Variants in TBC1D7 observed in about 807,000 individuals in gnomAD.
TBC1D7 encodes the protein TBC domain family 7.
TBC1D7 carries 33 observed loss-of-function variants against 35.3 expected under a neutral mutation model. The ratio of observed to expected loss-of-function variants is 0.93; its 90% CI spans 0.71 to 1.25. The LOEUF (loss-of-function observed/expected upper bound fraction) is 1.25. TBC1D7 is among the 50% of genes most tolerant of loss of function. TBC1D7 has a pLI of 0.00. For missense variants in TBC1D7, 362 were observed against 365.3 expected, an observed-to-expected ratio of 0.99 and a Z score of 0.07; for synonymous variants, 135 against 129.5, an observed-to-expected ratio of 1.04 and a Z score of -0.29.
chr6:13,309,192 C>T (rs1266538252), intron 5 of TBC1D7, among the ~76,000 whole-genome samples: 1 of 152,168 alleles, frequency 6.6e-6, no homozygotes, highest in African/African-American at 2.4e-5. Flanking sequence ...GATATATGCA[C>T]TTTTTTCCTA....
intron 3 of TBC1D7, among the ~76,000 whole-genome samples, chr6:13,324,126 GTTTTTTGTTTT>G (rs1562173751): frequency 7.0e-6 from 1 of 143,468 alleles, no homozygotes; most frequent in African/African-American, 2.5e-5. Flanking sequence ...TTTTTTGTTT[GTTTTTTGTTTT>G]TTTTTTTGGA....
intron 1 of TBC1D7, chr6:13,327,701 G>A (rs1784491387): frequency 6.6e-6 from 1 of 152,150 alleles, no homozygotes; most frequent in Non-Finnish European, 1.5e-5. Context: ...AAAGTTCAGT[G>A]GTCTCAAGTT....
chr6:13,325,907 C>T (rs1784373003), intron 2 of TBC1D7, among the ~76,000 whole-genome samples: 1 of 152,156 alleles, frequency 6.6e-6, no homozygotes, highest in Admixed American at 6.5e-5. Context: ...CCTACATTTT[C>T]CAATAAATTA....
chr6:13,308,114 A>T (rs943082110), intron 5 of TBC1D7, among the ~76,000 whole-genome samples: 5 of 152,252 alleles, frequency 3.3e-5, no homozygotes, highest in African/African-American at 1.2e-4. Flanking sequence ...GGCCCATTAT[A>T]TTACTGGCTG....
chr6:13,322,519 A>G (rs1784114811), intron 3 of TBC1D7, among the ~76,000 whole-genome samples: 1 of 152,200 alleles, frequency 6.6e-6, no homozygotes, highest in Admixed American at 6.5e-5. Context: ...CACACAAAGC[A>G]TTCAGAAGAG....
rs1200325729 is a variant in TBC1D7 at position 13,321,002 on chromosome 6, C to T, written c.287G>A (p.Arg96His). 3.1e-6 allele frequency: 5 copies of T among 1,614,026 alleles called. No homozygotes were observed. The highest frequency in any genetic ancestry group is 1.3e-5 in the African/African-American group (1 of 74,914). ...LDVLHALKVV[R>H]FVSDATPQAE... ...CTGAGGTGTGGCATCACTAACAAAG[C>T]GAACGACTTTCAGGGCATGAAGGAC... The change falls in exon 4 of 8, where the codon CGC (arginine) becomes CAC (histidine). Residue 96 changes from arginine (R) to histidine (H), a missense_variant. Physicochemically the swap from Arg to His is conservative, Grantham distance 29. Transcript: ENST00000379300.
At chr6:13,321,639 C>T (rs1285457258) in intron 3 of TBC1D7, among the ~76,000 whole-genome samples, 2 of 152,188 alleles carry the variant, frequency 1.3e-5, no homozygotes, top group African/African-American at 4.8e-5. Flanking sequence ...AGCTCCTTAA[C>T]CCATTTAAAC....
In TBC1D7 at chr6:13,316,700, A is replaced by C; in HGVS notation, c.390T>G (p.Asp130Glu). 6.2e-7 allele frequency: 1 copy of C among 1,613,876 alleles called. No homozygotes were observed. Among genetic ancestry groups the C allele is most frequent in the Non-Finnish European group, 8.5e-7 (1 of 1,179,924 alleles). Reference sequence around the variant, plus strand: ...TAGCTATGGCAAGAAACACTTCATCATCTGGCTCCTGAAAGATTAATAATA... The same window carrying C: ...TAGCTATGGCAAGAAACACTTCATCCTCTGGCTCCTGAAAGATTAATAATA... Reference protein sequence around the residue: ...PRSPSFPLEPDDEVFLAIAKA... With the variant: ...PRSPSFPLEPEDEVFLAIAKA... Residue 130 changes from aspartate to glutamate, a missense_variant, in exon 5 of 8, where the codon GAT (aspartate) becomes GAG (glutamate). Asp to Glu is a conservative substitution (Grantham distance 45). Transcript: ENST00000379300.
chr6:13,320,351 C>T (rs1407190899), intron 4 of TBC1D7: 19 of 181,084 alleles, frequency 1.0e-4, no homozygotes, highest in Non-Finnish European at 6.9e-5. Context: ...GTTTTGAGGA[C>T]TGTACTATGG....
Position 13,305,166 on chromosome 6 carries a change from C to T in TBC1D7, c.817G>A (p.Ala273Thr), listed in dbSNP as rs768453957. 16 of 1,614,052 alleles carry T rather than the reference C, an allele frequency of 9.9e-6. No homozygotes were observed. The Admixed American group carries it at 1.0e-4, about 10-fold the overall frequency. Residue 273 changes from alanine to threonine, a missense_variant, in exon 8 of 8, where the codon GCG becomes ACG. Transcript: ENST00000379300. ...LENIPQDSSD[A>T]IVSKAIDLWH... ...AAGTCAATGGCCTTGCTCACGATCGCGTCTGAGCTGTCCTGGGGAATCTGT... is the reference window on the plus strand; with the variant it reads ...AAGTCAATGGCCTTGCTCACGATCGTGTCTGAGCTGTCCTGGGGAATCTGT...
intron 5 of TBC1D7, among the ~76,000 whole-genome samples, chr6:13,311,416 C>T (rs1783202363): frequency 6.6e-6 from 1 of 152,180 alleles, no homozygotes; most frequent in South Asian, 2.1e-4. Context: ...CACTCAGGGG[C>T]ATCATTATCT....
chr6:13,307,368 T>C (rs1198337899), intron 6 of TBC1D7: 7 of 429,080 alleles, frequency 1.6e-5, no homozygotes, highest in Non-Finnish European at 2.1e-5. Flanking sequence ...ATGGAGACCA[T>C]TTGAGGTGTG....
At chr6:13,325,830 T>C (rs950675270) in intron 2 of TBC1D7, among the ~76,000 whole-genome samples, 2 of 152,144 alleles carry the variant, frequency 1.3e-5, no homozygotes, top group Non-Finnish European at 2.9e-5. Flanking sequence ...GAAACTGAAG[T>C]TCAAAGCAGT....
chr6:13,309,688 A>G (rs571231643), intron 5 of TBC1D7, among the ~76,000 whole-genome samples: 345 of 152,338 alleles, frequency 2.3e-3, no homozygotes, highest in African/African-American at 7.5e-3. Context: ...TAGGTTATAG[A>G]GCATCTATCC....
At position 13,321,210 on chromosome 6, in the gene TBC1D7, A is replaced by T. The variant is rs998156667; in HGVS notation, c.194-115T>A. 3.8e-6 allele frequency: 3 copies of T among 799,030 alleles called. No homozygotes were observed. The African/African-American group carries it at 5.2e-5, about 14-fold the overall frequency. 49.5% of individuals were successfully genotyped at this position (799,030 alleles called of 1,614,324 possible). On this transcript the variant is annotated intron_variant, in intron 3 of 7. Coordinates refer to ENST00000379300, the MANE Select transcript of TBC1D7 (RefSeq NM_016495.6). ...GACCCACACAATTAGGCTAGAATTC[A>T]CGCAGACATTCAAGTACCATGTAGA...
intron 6 of TBC1D7, 159 bp from the exon 7 acceptor site, chr6:13,306,686 C>T: frequency 1.9e-6 from 1 of 518,224 alleles, no homozygotes; most frequent in Non-Finnish European, 3.2e-6. Context: ...CAACAAAATA[C>T]AGAAGCCATT....
chr6:13,317,484 G>A (rs1314234301), intron 4 of TBC1D7, among the ~76,000 whole-genome samples: 42 of 152,148 alleles, frequency 2.8e-4, no homozygotes, highest in Non-Finnish European at 2.9e-5. Context: ...CCCTTAAAAA[G>A]TACCGACTTA....
chr6:13,306,291 C>A lies in TBC1D7; in HGVS notation c.795+107G>T, dbSNP rs1050426793. 6 of 1,018,298 alleles carry A rather than the reference C, an allele frequency of 5.9e-6. No individual in the cohort carries two copies. In the African/African-American group the frequency reaches 1.0e-4, roughly 17 times the overall value. The allele number at this position is 1,018,298 out of a possible 1,614,324, so 63.1% of individuals were successfully genotyped here. ...TGAAACATTCTAAGGTATTATTTCT[C>A]TAAAATCATGTAATTATTTCTCTGA... On this transcript the variant is annotated intron_variant, in intron 7 of 7. Transcript: ENST00000379300.
At chr6:13,308,773 T>C (rs1249041705) in intron 5 of TBC1D7, among the ~76,000 whole-genome samples, 1 of 149,806 alleles carries the variant, frequency 6.7e-6, no homozygotes, top group Non-Finnish European at 1.5e-5. Context: ...CTACACACAA[T>C]GAATGGAGTG....
Sources: allele counts gnomAD v4.1 joint callset (sites outside exome capture counted in the v4.1 genomes callset), GRCh38; gene constraint gnomAD v4.1.1; transcripts MANE v1.5; gene names NCBI Gene and HGNC (gene_info 2026-07-23, HGNC 2026-07-21).